Variants in B3GALT1 observed in about 807,000 individuals in gnomAD.
The protein encoded by B3GALT1 is beta-1,3-galactosyltransferase 1.
In B3GALT1, 10 loss-of-function variants were observed where a neutral mutation model predicts 23.2. The observed-to-expected ratio is 0.43, with a 90% CI of 0.27 to 0.73. The LOEUF is 0.73. Ranked by LOEUF, B3GALT1 falls within the 30% of genes least tolerant of loss-of-function variation. The pLI, the probability that B3GALT1 is intolerant of heterozygous loss-of-function variation, is 0.21. For missense variants in B3GALT1, 299 were observed against 405.4 expected (o/e 0.74, Z 2.25); for synonymous variants, 156 against 141.5 (o/e 1.10, Z -0.73).
chr2:167,512,620 ACG>A (rs372892528), intron 2 of B3GALT1, among the ~76,000 whole-genome samples: 8,820 of 96,594 alleles, frequency 0.091, 809 homozygotes, highest in East Asian at 0.18. Flanking sequence ...ATATATATAT[ACG>A]TGTATATATA....
chr2:167,434,916 ATGT>A (rs761103462), intron 1 of B3GALT1, among the ~76,000 whole-genome samples: 6 of 152,118 alleles, frequency 3.9e-5, no homozygotes, highest in Non-Finnish European at 8.8e-5. Context: ...CAAAGTGGAA[ATGT>A]TGTGATATAG....
intron 4 of B3GALT1, among the ~76,000 whole-genome samples, chr2:167,824,701 C>T (rs1039632507): frequency 3.3e-5 from 5 of 152,114 alleles, no homozygotes. Context: ...TCATTTGGTC[C>T]CTGATCTCTC....
intron 2 of B3GALT1, among the ~76,000 whole-genome samples, chr2:167,641,004 C>G (rs1025550302): frequency 6.6e-6 from 1 of 152,126 alleles, no homozygotes; most frequent in Non-Finnish European, 1.5e-5. Flanking sequence ...GCCTACCTAT[C>G]TATAAAAGCA....
chr2:167,806,565 A>G (rs1161093988), intron 3 of B3GALT1, among the ~76,000 whole-genome samples: 1 of 152,194 alleles, frequency 6.6e-6, no homozygotes, highest in Non-Finnish European at 1.5e-5. Context: ...TTCTGCATCT[A>G]TTGAGATAAT....
intron 3 of B3GALT1, among the ~76,000 whole-genome samples, chr2:167,686,008 T>C (rs1448394548): frequency 6.6e-6 from 1 of 152,242 alleles, no homozygotes; most frequent in Non-Finnish European, 1.5e-5. Flanking sequence ...CAAGAGTTAT[T>C]TGCAATAAGC....
intron 2 of B3GALT1, among the ~76,000 whole-genome samples, chr2:167,545,286 C>T (rs1352994596): frequency 6.6e-6 from 1 of 151,990 alleles, no homozygotes; most frequent in Non-Finnish European, 1.5e-5. Context: ...CCGCCCACCT[C>T]GGCCTCCCAA....
At position 167,576,895 on chromosome 2, in the gene B3GALT1, C is replaced by G. The variant is rs564338301; in HGVS notation, c.-409-70014C>G. Among the ~76,000 whole-genome samples the G allele has an allele frequency of 1.1e-4, 16 of 151,742 alleles. No individual in the cohort carries two copies. In the East Asian group the frequency reaches 3.1e-3, roughly 29 times the overall value. On this transcript the variant is annotated intron_variant, in intron 2 of 4. Coordinates refer to ENST00000392690, the MANE Select transcript of B3GALT1 (RefSeq NM_020981.4). ...GTGTGATGGTACCTACCCTTCAACTCCAAATATCACAGCTTTTAAGGAGAA... is the reference window on the plus strand; with the variant it reads ...GTGTGATGGTACCTACCCTTCAACTGCAAATATCACAGCTTTTAAGGAGAA...
intron 1 of B3GALT1, among the ~76,000 whole-genome samples, chr2:167,371,497 C>T (rs938579196): frequency 6.6e-6 from 1 of 152,048 alleles, no homozygotes; most frequent in African/African-American, 2.4e-5. Context: ...TTGTGAAGTA[C>T]TTTAGAAACT....
At chr2:167,374,406 A>G (rs1411915400) in intron 1 of B3GALT1, among the ~76,000 whole-genome samples, 1 of 152,184 alleles carries the variant, frequency 6.6e-6, no homozygotes, top group Non-Finnish European at 1.5e-5. Context: ...GTTGAATAGT[A>G]GTTCTGTTTT....
chr2:167,787,919 G>A (rs926324831), intron 3 of B3GALT1, among the ~76,000 whole-genome samples: 15 of 152,100 alleles, frequency 9.9e-5, no homozygotes, highest in Non-Finnish European at 1.8e-4. Flanking sequence ...TGCCCCAAGA[G>A]CCAAAGAGCC....
At chr2:167,779,548 G>A (rs1159197004) in intron 3 of B3GALT1, among the ~76,000 whole-genome samples, 1 of 152,050 alleles carries the variant, frequency 6.6e-6, no homozygotes, top group African/African-American at 2.4e-5. Flanking sequence ...GCTTTTGTTG[G>A]GTTGTTGTTT....
chr2:167,759,746 G>A (rs1015759937), intron 3 of B3GALT1, among the ~76,000 whole-genome samples: 3 of 152,030 alleles, frequency 2.0e-5, no homozygotes, highest in African/African-American at 7.2e-5. Flanking sequence ...GCAACTCTGC[G>A]GGGAAAAACT....
chr2:167,640,081 A>T (rs141151590), intron 2 of B3GALT1, among the ~76,000 whole-genome samples: 32 of 152,240 alleles, frequency 2.1e-4, no homozygotes, highest in African/African-American at 7.0e-4. Flanking sequence ...TCCAAATAAC[A>T]TCTCTGTAGA....
intron 3 of B3GALT1, among the ~76,000 whole-genome samples, chr2:167,778,498 G>A (rs1165584899): frequency 6.6e-6 from 1 of 152,074 alleles, no homozygotes; most frequent in Non-Finnish European, 1.5e-5. Context: ...GAAATGCAAA[G>A]CCAAGTTGTA....
intron 3 of B3GALT1, among the ~76,000 whole-genome samples, chr2:167,803,722 A>G (rs888175103): frequency 1.7e-4 from 26 of 152,162 alleles, no homozygotes; most frequent in Non-Finnish European, 3.7e-4. Flanking sequence ...TAAATGAAAG[A>G]ACATTCAGTC....
intron 1 of B3GALT1, among the ~76,000 whole-genome samples, chr2:167,303,697 T>C (rs1482732239): frequency 1.4e-5 from 2 of 145,498 alleles, no homozygotes; most frequent in Admixed American, 1.4e-4. Context: ...AGAGACCTTG[T>C]TGCTGCCATT....
chr2:167,665,073 A>C (rs369029558), intron 3 of B3GALT1, among the ~76,000 whole-genome samples: 1,790 of 151,770 alleles, frequency 0.012, 29 homozygotes, highest in African/African-American at 0.041. Flanking sequence ...AGTTTTTGCC[A>C]ATTCAGTATG....
chr2:167,711,430 GCA>G (rs1687046572), intron 3 of B3GALT1, among the ~76,000 whole-genome samples: 1 of 152,164 alleles, frequency 6.6e-6, no homozygotes, highest in Admixed American at 6.5e-5. Context: ...TGAATGAATG[GCA>G]CTGCAGGTAG....
chr2:167,430,917 T>G (rs754890313), intron 1 of B3GALT1, among the ~76,000 whole-genome samples: 3 of 152,202 alleles, frequency 2.0e-5, no homozygotes, highest in Non-Finnish European at 4.4e-5. Flanking sequence ...GTGGCCTAAC[T>G]AAAGCAAGGA....
Sources: gnomAD v4.1 joint callset for allele counts (sites outside exome capture counted in the v4.1 genomes callset) on GRCh38, gnomAD v4.1.1 for gene constraint, MANE v1.5 for transcripts, NCBI Gene and HGNC (gene_info 2026-07-23, HGNC 2026-07-21) for gene names.